Variants in BRAP observed in about 807,000 individuals in gnomAD.
The protein encoded by BRAP is BRCA1-associated protein.
In BRAP, 42 loss-of-function variants were observed where a neutral mutation model predicts 73.4. The observed-to-expected ratio is 0.57, with a 90% CI of 0.45 to 0.74. BRAP has a LOEUF of 0.74. Ranked by LOEUF, BRAP falls within the 30% of genes least tolerant of loss-of-function variation. The probability of loss-of-function intolerance (pLI) is 0.00; values close to 1 mark genes in which losing one functional copy is unlikely to be tolerated. For synonymous variants in BRAP, 255 were observed against 267.4 expected (o/e 0.95, Z 0.45); for missense variants, 593 against 751.4 (o/e 0.79, Z 2.46).
chr12:111,677,023 G>A (rs1472215960), intron 4 of BRAP, among the ~76,000 whole-genome samples: 1 of 152,156 alleles, frequency 6.6e-6, no homozygotes, highest in Non-Finnish European at 1.5e-5. Flanking sequence ...CGCAGTCTCA[G>A]AAAAACATGT....
intron 6 of BRAP, among the ~76,000 whole-genome samples, chr12:111,664,054 C>T (rs541016422): frequency 4.6e-5 from 7 of 152,244 alleles, no homozygotes; most frequent in African/African-American, 1.2e-4. Context: ...GGATGGGTAT[C>T]GTGGCTCATG....
chr12:111,657,841 T>C (rs1010448963), intron 9 of BRAP, among the ~76,000 whole-genome samples: 4 of 152,000 alleles, frequency 2.6e-5, no homozygotes, highest in Non-Finnish European at 2.9e-5. Flanking sequence ...ACTGCACCAC[T>C]GTACTCTAGC....
intron 1 of BRAP, chr12:111,685,497 A>G: frequency 8.5e-7 from 1 of 1,175,078 alleles, no homozygotes; most frequent in East Asian, 3.2e-5. Context: ...CTCAGACGGC[A>G]CAGGGAGGGA....
chr12:111,674,054 T>C (rs568624513), intron 4 of BRAP, among the ~76,000 whole-genome samples: 8 of 152,350 alleles, frequency 5.3e-5, no homozygotes, highest in African/African-American at 1.9e-4. Flanking sequence ...AGGCTGCTTC[T>C]GGGAATTCTG....
chr12:111,680,025 T>C (rs1362299324), intron 3 of BRAP, among the ~76,000 whole-genome samples: 1 of 151,340 alleles, frequency 6.6e-6, no homozygotes, highest in African/African-American at 2.4e-5. Flanking sequence ...CTGCATGGTC[T>C]CGGCTCACTG....
intron 11 of BRAP, among the ~76,000 whole-genome samples, chr12:111,646,322 C>T (rs1213232475): frequency 6.6e-6 from 1 of 151,994 alleles, no homozygotes; most frequent in Non-Finnish European, 1.5e-5. Context: ...CACTCACACA[C>T]AAAAACCACG....
At position 111,659,352 on chromosome 12, in the gene BRAP, G is replaced by T. The variant is rs1293588792; in HGVS notation, c.973-7C>A. 6.2e-7 allele frequency: 1 copy of T among 1,610,618 alleles called. No homozygotes were observed. Among genetic ancestry groups the T allele is most frequent in the East Asian group, 2.2e-5 (1 of 44,804 alleles). Reference sequence around the variant, plus strand: ...TTAAACAAATCCAAAGATTCTGCCGGAAGAGGTAAGATCTTAATTAGTTAA... The same window carrying T: ...TTAAACAAATCCAAAGATTCTGCCGTAAGAGGTAAGATCTTAATTAGTTAA... On this transcript the variant is annotated splice_polypyrimidine_tract_variant and splice_region_variant and intron_variant, in intron 7 of 11. Coordinates refer to ENST00000419234, the MANE Select transcript of BRAP (RefSeq NM_006768.5).
chr12:111,670,336 C>T, intron 5 of BRAP: 1 of 489,882 alleles, frequency 2.0e-6, no homozygotes, highest in East Asian at 5.1e-5. Context: ...CTCCAGCTCG[C>T]TGAGACTTTT....
chr12:111,646,286 A>G (rs1430430383), intron 11 of BRAP, among the ~76,000 whole-genome samples: 1 of 151,960 alleles, frequency 6.6e-6, no homozygotes, highest in Non-Finnish European at 1.5e-5. Context: ...ACCCTGTCTC[A>G]AAAAAACAAC....
At chr12:111,669,909 T>C in intron 5 of BRAP, 2 of 651,922 alleles carry the variant, frequency 3.1e-6, no homozygotes, top group Non-Finnish European at 5.6e-6. Flanking sequence ...TCCCATAGCT[T>C]CTGGTTATCA....
Position 111,646,290 on chromosome 12 carries a change from AAAC to A in BRAP, c.1416-1731_1416-1729del, listed in dbSNP as rs777411546. Among the ~76,000 whole-genome samples the A allele has an allele frequency of 1.2e-4, 19 of 152,158 alleles. No individual in the cohort carries two copies. The East Asian group carries it at 1.4e-3, about 11-fold the overall frequency. ...GACAGAGTAAGACCCTGTCTCAAAA[AAAC>A]AACAACAAAAACCAAAAACACTCAC... On this transcript the variant is annotated intron_variant, in intron 11 of 11. Transcript: ENST00000419234.
chr12:111,666,922 A>C (rs1057151296), intron 5 of BRAP, among the ~76,000 whole-genome samples: 1 of 152,148 alleles, frequency 6.6e-6, no homozygotes, highest in Non-Finnish European at 1.5e-5. Context: ...TTATCACGTC[A>C]ATTTTTTTTT....
chr12:111,685,829 CAGGCGAGGCTGGA>C lies in BRAP; in HGVS notation c.-50_-38del. On this transcript the variant is annotated 5_prime_UTR_variant, in exon 1 of 12. Transcript: ENST00000419234. ...TGGCCGGCGCGGGCCCCGGCGGGCT[CAGGCGAGGCTGGA>C]AGGCGAGCCGAGAGGCCGAGCGGCC... is the stretch of plus-strand genomic sequence containing the variant. 2 of 1,493,698 alleles carry C rather than the reference CAGGCGAGGCTGGA, an allele frequency of 1.3e-6. No homozygotes were observed. Among genetic ancestry groups the C allele is most frequent in the East Asian group, 5.5e-5 (2 of 36,430 alleles). 92.5% of individuals were successfully genotyped at this position (1,493,698 alleles called of 1,614,324 possible). A position where few individuals can be genotyped will look rare whatever the true frequency, so the allele number is the denominator to read the frequency against.
intron 3 of BRAP, 118 bp from the exon 4 acceptor site, chr12:111,679,458 A>C (rs1441642556): frequency 1.4e-6 from 1 of 691,246 alleles, no homozygotes; most frequent in African/African-American, 1.8e-5. Flanking sequence ...TATTTCATTA[A>C]TGAACTGTTC....
intron 5 of BRAP, chr12:111,670,198 G>A: frequency 1.6e-6 from 1 of 610,534 alleles, no homozygotes; most frequent in South Asian, 1.4e-5. Flanking sequence ...GCTTTGTTGG[G>A]AGGTCTGCAG....
chr12:111,659,904 A>AAAAAC (rs889769302), intron 7 of BRAP, among the ~76,000 whole-genome samples: 3 of 152,140 alleles, frequency 2.0e-5, no homozygotes, highest in East Asian at 3.9e-4. Flanking sequence ...TAGAAAAAAC[A>AAAAAC]AAAACAAAAC....
At chr12:111,672,531 C>T (rs575472587) in intron 5 of BRAP, 130 bp downstream of exon 5, 6 of 736,876 alleles carry the variant, frequency 8.1e-6, no homozygotes, top group Admixed American at 5.9e-5. Flanking sequence ...CTCTTCCTGC[C>T]CTGATAACCA....
In BRAP at chr12:111,652,833, C is replaced by T. The variant is rs541110684; in HGVS notation, c.1311+2733G>A. On this transcript the variant is annotated intron_variant, in intron 10 of 11. Coordinates refer to ENST00000419234, the MANE Select transcript of BRAP (RefSeq NM_006768.5). ...CAAGTGATTCTCTTGCCTCAGCCTC[C>T]TAAGTAGCTGGGACTACAGGCACGT... Among the ~76,000 whole-genome samples the T allele has an allele frequency of 1.7e-4, 26 of 152,234 alleles. No homozygotes were observed. The South Asian group carries it at 4.8e-3, about 28-fold the overall frequency.
intron 1 of BRAP, among the ~76,000 whole-genome samples, chr12:111,685,101 A>G (rs1887759487): frequency 6.6e-6 from 1 of 152,200 alleles, no homozygotes; most frequent in Non-Finnish European, 1.5e-5. Context: ...CAGCTCACTG[A>G]GTTAGAATCC....
Sources: allele counts gnomAD v4.1 joint callset (sites outside exome capture counted in the v4.1 genomes callset), GRCh38; gene constraint gnomAD v4.1.1; transcripts MANE v1.5; gene names NCBI Gene and HGNC (gene_info 2026-07-23, HGNC 2026-07-21).